Variants in QSOX2 observed in about 807,000 individuals in gnomAD.
QSOX2 encodes the protein quiescin sulfhydryl oxidase 2.
QSOX2 carries 46 observed loss-of-function variants against 61.7 expected under a neutral mutation model. That is an observed-to-expected ratio of 0.75 (90% confidence interval 0.59 to 0.95). The LOEUF is 0.95. Ranked by LOEUF, QSOX2 falls within the 40% of genes least tolerant of loss-of-function variation. QSOX2 has a pLI of 0.00. For synonymous variants in QSOX2, 383 were observed against 388.4 expected (o/e 0.99, Z 0.16); for missense variants, 879 against 918.9 (o/e 0.96, Z 0.56).
chr9:136,222,107 GGCAACTGAC>G lies in QSOX2; in HGVS notation c.676-175_676-167del, dbSNP rs1588635832. The stretch of plus-strand genomic sequence containing the variant: ...AATCTTCACTCTCATTGCACTTTAA[GGCAACTGAC>G]GGCACACACGCCATGAGCAGAAACC... On this transcript the variant is annotated intron_variant, in intron 5 of 11. Transcript: ENST00000358701. This position sits in a 1 kb window ranked among gnomAD's most constrained non-coding sequence, Gnocchi z 6.9. 6.7e-6 allele frequency among the ~76,000 whole-genome samples: 1 copy of G among 149,694 alleles called. No individual in the cohort carries two copies. Among genetic ancestry groups the G allele is most frequent in the Non-Finnish European group, 1.5e-5 (1 of 67,336 alleles).
chr9:136,211,131 C>T (rs187768118), intron 11 of QSOX2, 133 bp downstream of exon 11: 48 of 1,014,304 alleles, frequency 4.7e-5, no homozygotes, highest in East Asian at 2.9e-4. Flanking sequence ...GTCCTGATCC[C>T]GTCAGCACAG....
At chr9:136,238,248 G>A (rs1203120786) in intron 1 of QSOX2, among the ~76,000 whole-genome samples, 1 of 152,212 alleles carries the variant, frequency 6.6e-6, no homozygotes, top group Non-Finnish European at 1.5e-5. Context: ...GTCAGACGGG[G>A]AAACTGATCA....
At chr9:136,213,557 C>T (rs1285895260) in intron 10 of QSOX2, among the ~76,000 whole-genome samples, 2 of 151,250 alleles carry the variant, frequency 1.3e-5, no homozygotes, top group African/African-American at 4.9e-5. Flanking sequence ...AGGTTAAAAC[C>T]CACCCTCTCC....
chr9:136,220,370 C>A (rs1205482399), intron 6 of QSOX2, among the ~76,000 whole-genome samples: 1 of 152,214 alleles, frequency 6.6e-6, no homozygotes, highest in Non-Finnish European at 1.5e-5. Context: ...GTGTTCTGGG[C>A]TTCTGTAAGG....
rs768839750 is a variant in QSOX2 at position 136,208,690 on chromosome 9, C to T, written c.*38G>A. 6.3e-7 allele frequency: 1 copy of T among 1,576,520 alleles called. No homozygotes were observed. Among genetic ancestry groups the T allele is most frequent in the Non-Finnish European group, 8.6e-7 (1 of 1,158,688 alleles). On this transcript the variant is annotated 3_prime_UTR_variant, in exon 12 of 12. Coordinates refer to ENST00000358701, the MANE Select transcript of QSOX2 (RefSeq NM_181701.4). ...AGGTGGCACGGGGCAGGGCTGCCTCCAAGGGAGCTTCCGCCGTGGCTGGCA... is the reference window on the plus strand; with the variant it reads ...AGGTGGCACGGGGCAGGGCTGCCTCTAAGGGAGCTTCCGCCGTGGCTGGCA...
At position 136,209,169 on chromosome 9, in the gene QSOX2, G is replaced by A; in HGVS notation, c.1656C>T (p.Gly552=). The change falls in exon 12 of 12, where the codon GGC becomes GGT. Residue 552 remains glycine, a synonymous_variant. Coordinates refer to ENST00000358701, the MANE Select transcript of QSOX2 (RefSeq NM_181701.4). This position sits in a 1 kb window ranked among gnomAD's most constrained non-coding sequence, Gnocchi z 5.6. ...EIKGLASWDE[G]HVLTFLKQHY... ...GCTGCTTCAAGAATGTGAGCACGTG[G>A]CCTTCATCCCAGCTGGCCAGGCCCT... The A allele has an allele frequency of 6.2e-7, 1 of 1,614,186 alleles. No individual in the cohort carries two copies. The highest frequency in any genetic ancestry group is 8.5e-7 in the Non-Finnish European group (1 of 1,180,024).
Position 136,209,921 on chromosome 9 carries a change from G to A in QSOX2, c.1550-646C>T. The A allele has an allele frequency of 1.0e-6, 1 of 985,414 alleles. No individual in the cohort carries two copies. The highest frequency in any genetic ancestry group is 1.7e-5 in the African/African-American group (1 of 57,372). The allele number at this position is 985,414 out of a possible 1,614,324, so 61.0% of individuals were successfully genotyped here. On this transcript the variant is annotated intron_variant, in intron 11 of 11. Coordinates refer to ENST00000358701, the MANE Select transcript of QSOX2 (RefSeq NM_181701.4). This position sits in a 1 kb window ranked among gnomAD's most constrained non-coding sequence, Gnocchi z 5.6. ...AACAGGCATCCGTCATGCAGAAGCT[G>A]CGGCGCACGGCGCCTCCTAGCTCTC... is the stretch of plus-strand genomic sequence containing the variant.
intron 3 of QSOX2, among the ~76,000 whole-genome samples, chr9:136,224,454 G>A (rs1276061810): frequency 1.3e-5 from 2 of 152,106 alleles, no homozygotes; most frequent in African/African-American, 4.8e-5. Flanking sequence ...GGCGCGGCGA[G>A]GAGCAGGCCA....
In QSOX2 at chr9:136,221,182, G is replaced by A. The variant is rs531580441; in HGVS notation, c.821+614C>T. Among the ~76,000 whole-genome samples the A allele has an allele frequency of 5.6e-3, 612 of 108,514 alleles. No individual in the cohort carries two copies. The highest frequency in any genetic ancestry group is 0.029 in the Middle Eastern group (5 of 174). The allele number at this position is 108,514 out of a possible 152,430, so 71.2% of individuals were successfully genotyped here. On this transcript the variant is annotated intron_variant, in intron 6 of 11. Transcript: ENST00000358701. This position sits in a 1 kb window ranked among gnomAD's most constrained non-coding sequence, Gnocchi z 4.5. ...GGGCTTATCCTCATGAGGGGCACAC[G>A]GGCACCCCACGCAGGGGCAAAGGGC...
In QSOX2 at chr9:136,218,767, T is replaced by C. The variant is rs1434683501; in HGVS notation, c.998A>G (p.Tyr333Cys). The change falls in exon 8 of 12, where the codon TAC becomes TGC. Residue 333 changes from tyrosine (Y) to cysteine (C), a missense_variant. Physicochemically the swap from Tyr to Cys is radical, Grantham distance 194 (BLOSUM62 -2). Coordinates refer to ENST00000358701, the MANE Select transcript of QSOX2 (RefSeq NM_181701.4). ...GGCTGCCAGCTCCACCCGCAGGAGG[T>C]AGTGTAGCCCTGACTCCAGGTCCAC... ...YTVDLESGLH[Y>C]LLRVELAAHK... is the part of the protein sequence containing the mutation. The C allele has an allele frequency of 7.4e-6, 12 of 1,613,362 alleles. No individual in the cohort carries two copies. In the South Asian group the frequency reaches 7.7e-5, roughly 10 times the overall value.
At chr9:136,212,630 G>A (rs1831860769) in intron 10 of QSOX2, among the ~76,000 whole-genome samples, 6 of 152,134 alleles carry the variant, frequency 3.9e-5, no homozygotes, top group Admixed American at 3.9e-4. Context: ...CCTGTGACCC[G>A]GCCCGTCTGC....
intron 2 of QSOX2, 73 bp from the exon 3 acceptor site, chr9:136,224,982 G>T (rs1395635589): frequency 1.8e-5 from 20 of 1,093,502 alleles, no homozygotes; most frequent in Non-Finnish European, 1.1e-5. Flanking sequence ...GCAACAAAAC[G>T]CCCGTCACCT....
intron 3 of QSOX2, among the ~76,000 whole-genome samples, chr9:136,224,324 C>A (rs757067679): frequency 6.6e-6 from 1 of 152,214 alleles, no homozygotes; most frequent in Admixed American, 6.5e-5. Context: ...GACCACACAG[C>A]AATGACACAA....
In QSOX2 at chr9:136,209,323, C is replaced by T. The variant is rs768762067; in HGVS notation, c.1550-48G>A. 1 of 1,573,536 alleles carries T rather than the reference C, an allele frequency of 6.4e-7. No homozygotes were observed. The highest frequency in any genetic ancestry group is 8.6e-7 in the Non-Finnish European group (1 of 1,157,438). ...GAGCCAGAGGGAAGGAGGCTTTGTG[C>T]AGCCACGTGCAGCGTGCGGCAACCG... On this transcript the variant is annotated intron_variant, in intron 11 of 11. Coordinates refer to ENST00000358701, the MANE Select transcript of QSOX2 (RefSeq NM_181701.4). This position sits in a 1 kb window ranked among gnomAD's most constrained non-coding sequence, Gnocchi z 5.6.
At position 136,208,202 on chromosome 9, in the gene QSOX2, T is replaced by TCTG. The variant is rs1831794365; in HGVS notation, c.*523_*525dup. 1 of 139,764 alleles carries TCTG rather than the reference T, an allele frequency of 7.2e-6. No homozygotes were observed. The highest frequency in any genetic ancestry group is 1.5e-5 in the Non-Finnish European group (1 of 64,520). 8.7% of individuals were successfully genotyped at this position (139,764 alleles called of 1,614,324 possible). The stretch of plus-strand genomic sequence containing the variant: ...TGCAGAGGCCGACTGCGCTTCCGGC[T>TCTG]CTGTCTGTCCCCGCCCGGCTAAAGG... On this transcript the variant is annotated 3_prime_UTR_variant, in exon 12 of 12. Coordinates refer to ENST00000358701, the MANE Select transcript of QSOX2 (RefSeq NM_181701.4).
Position 136,222,000 on chromosome 9 carries a change from G to C in QSOX2, c.676-59C>G, listed in dbSNP as rs535320144. On this transcript the variant is annotated intron_variant, in intron 5 of 11. Coordinates refer to ENST00000358701, the MANE Select transcript of QSOX2 (RefSeq NM_181701.4). The surrounding 1 kb of genome is among the most constrained non-coding windows in gnomAD (Gnocchi z 4.5). ...GGGCTGGCAGTTTCTCAGAAAACAC[G>C]ACGTGCAGACACATGGCCTTGCAGG... 1 of 1,487,352 alleles carries C rather than the reference G, an allele frequency of 6.7e-7. No individual in the cohort carries two copies. The highest frequency in any genetic ancestry group is 1.4e-5 in the South Asian group (1 of 71,828). 92.1% of individuals were successfully genotyped at this position (1,487,352 alleles called of 1,614,324 possible).
chr9:136,214,296 G>C (rs1831883094), intron 10 of QSOX2, among the ~76,000 whole-genome samples: 1 of 152,138 alleles, frequency 6.6e-6, no homozygotes, highest in South Asian at 2.1e-4. Context: ...CCTTGTGGTG[G>C]GCAGCCTCTG....
chr9:136,227,745 T>C (rs188563658), intron 1 of QSOX2, among the ~76,000 whole-genome samples: 5 of 152,008 alleles, frequency 3.3e-5, no homozygotes, highest in Non-Finnish European at 7.4e-5. Flanking sequence ...GAGGCCGAGG[T>C]GGGCAGATCG....
At chr9:136,231,641 A>T (rs898270857) in intron 1 of QSOX2, among the ~76,000 whole-genome samples, 5 of 152,252 alleles carry the variant, frequency 3.3e-5, no homozygotes, top group Admixed American at 1.3e-4. Context: ...GCAGAAGGGC[A>T]GTGCCCCTCA....
Sources: allele counts gnomAD v4.1 joint callset (sites outside exome capture counted in the v4.1 genomes callset), GRCh38; gene constraint gnomAD v4.1.1; non-coding constraint Gnocchi (gnomAD v3.1); transcripts MANE v1.5; gene names NCBI Gene and HGNC (gene_info 2026-07-23, HGNC 2026-07-21).